The following ATE1 variants were observed in gnomAD, a reference collection of about 807,000 sequenced individuals.
ATE1 encodes arginyl-tRNA--protein transferase 1.
In ATE1, 36 loss-of-function variants were observed where a neutral mutation model predicts 70.5. The ratio of observed to expected loss-of-function variants is 0.51; its 90% confidence interval spans 0.39 to 0.67. The LOEUF (loss-of-function observed/expected upper bound fraction) is 0.67, where lower values mean the gene tolerates loss of function less well. Ranked by LOEUF, ATE1 falls within the 30% of genes least tolerant of loss-of-function variation. The probability of loss-of-function intolerance (pLI) is 0.00; values close to 1 mark genes in which losing one functional copy is unlikely to be tolerated. For synonymous variants in ATE1, 232 were observed against 219.3 expected (o/e 1.06, Z -0.51); for missense variants, 593 against 629.5 (o/e 0.94, Z 0.62).
At chr10:121,856,498 C>G (rs1474574549) in intron 8 of ATE1, among the ~76,000 whole-genome samples, 1 of 152,192 alleles carries the variant, frequency 6.6e-6, no homozygotes, top group Non-Finnish European at 1.5e-5. Flanking sequence ...CTACGGCACT[C>G]CAGCCTGGGT....
At chr10:121,811,626 C>G (rs61675937) in intron 10 of ATE1, among the ~76,000 whole-genome samples, 2 of 152,018 alleles carry the variant, frequency 1.3e-5, no homozygotes, top group Non-Finnish European at 2.9e-5. Flanking sequence ...TCCCCATGCT[C>G]GGAAAACAAG....
intron 10 of ATE1, among the ~76,000 whole-genome samples, chr10:121,834,652 C>T (rs1352449721): frequency 6.6e-6 from 1 of 151,836 alleles, no homozygotes; most frequent in Non-Finnish European, 1.5e-5. Flanking sequence ...GTCAGCAAAA[C>T]ATCTTCATGA....
intron 10 of ATE1, among the ~76,000 whole-genome samples, chr10:121,819,437 G>C (rs1441650786): frequency 6.6e-6 from 1 of 152,032 alleles, no homozygotes; most frequent in Non-Finnish European, 1.5e-5. Flanking sequence ...CTACACATTG[G>C]CTCACACCTG....
At chr10:121,892,714 C>A (rs994669704) in intron 7 of ATE1, among the ~76,000 whole-genome samples, 2 of 151,948 alleles carry the variant, frequency 1.3e-5, no homozygotes, top group Non-Finnish European at 2.9e-5. Context: ...AGGGTTTCAC[C>A]ATGTTGGCCA....
intron 8 of ATE1, among the ~76,000 whole-genome samples, chr10:121,862,120 C>T (rs1004131046): frequency 6.6e-6 from 1 of 152,162 alleles, no homozygotes; most frequent in African/African-American, 2.4e-5. Flanking sequence ...CCACTGCTCT[C>T]GAATTTGGGC....
At position 121,770,160 on chromosome 10, in the gene ATE1, T is replaced by C. The variant is rs914003978; in HGVS notation, c.1378+20009A>G. 4.6e-5 allele frequency among the ~76,000 whole-genome samples: 7 copies of C among 151,424 alleles called. No homozygotes were observed. In the East Asian group the frequency reaches 1.2e-3, roughly 25 times the overall value. ...CGAAGTATAACATATCTAACATCCA[T>C]GCCATGGAATACTACTTAGCAATAA... On this transcript the variant is annotated intron_variant, in intron 11 of 11. Transcript: ENST00000224652.
chr10:121,781,681 C>G (rs1161400051), intron 11 of ATE1, among the ~76,000 whole-genome samples: 2 of 152,206 alleles, frequency 1.3e-5, no homozygotes. Context: ...CTAAGACAGT[C>G]TCCTTAACAT....
intron 4 of ATE1, among the ~76,000 whole-genome samples, chr10:121,911,363 C>T (rs1564957184): frequency 6.6e-6 from 1 of 151,222 alleles, no homozygotes; most frequent in African/African-American, 2.4e-5. Flanking sequence ...TTTGGGAGGC[C>T]AACACAGGAG....
At chr10:121,926,927 T>C in intron 1 of ATE1, 1 of 985,436 alleles carries the variant, frequency 1.0e-6, no homozygotes, top group Non-Finnish European at 1.2e-6. Context: ...CAAGTAGCAC[T>C]TAATAAACAC....
At chr10:121,768,386 A>C (rs1945363589) in intron 11 of ATE1, among the ~76,000 whole-genome samples, 1 of 152,226 alleles carries the variant, frequency 6.6e-6, no homozygotes, top group South Asian at 2.1e-4. Flanking sequence ...TGTAAATCTA[A>C]AAGAATATGT....
At position 121,904,126 on chromosome 10, in the gene ATE1, G is replaced by C. The variant is rs1951093351; in HGVS notation, c.584-1506C>G. Among the ~76,000 whole-genome samples, 6 of 151,478 alleles carry C rather than the reference G, an allele frequency of 4.0e-5. No individual in the cohort carries two copies. The South Asian group carries it at 1.3e-3, about 32-fold the overall frequency. Reference sequence around the variant, plus strand: ...GCCTCCAGAGTAGCTGGGAATACAGGTGTGTGCCACCATGCCTGGCTAATT... The same window carrying C: ...GCCTCCAGAGTAGCTGGGAATACAGCTGTGTGCCACCATGCCTGGCTAATT... On this transcript the variant is annotated intron_variant, in intron 5 of 11. Coordinates refer to ENST00000224652, the MANE Select transcript of ATE1 (RefSeq NM_001001976.3).
chr10:121,916,137 G>A (rs1383428157), intron 3 of ATE1, among the ~76,000 whole-genome samples: 1 of 151,326 alleles, frequency 6.6e-6, no homozygotes, highest in Admixed American at 6.6e-5. Context: ...TGAGGCAGGA[G>A]AATGGCATGA....
At chr10:121,814,340 G>A (rs1947449314) in intron 10 of ATE1, among the ~76,000 whole-genome samples, 1 of 152,152 alleles carries the variant, frequency 6.6e-6, no homozygotes, top group Non-Finnish European at 1.5e-5. Flanking sequence ...GGATTTAAGA[G>A]AGCTATATGA....
intron 8 of ATE1, among the ~76,000 whole-genome samples, chr10:121,845,768 G>T (rs796293923): frequency 1.9e-4 from 29 of 152,176 alleles, no homozygotes; most frequent in African/African-American, 5.8e-4. Context: ...AGGGAAAAAA[G>T]GTAGAAAGAT....
chr10:121,928,447 C>T, upstream of ATE1: 2 of 1,515,058 alleles, frequency 1.3e-6, no homozygotes, highest in Non-Finnish European at 1.8e-6. Context: ...CCGCGAGGGT[C>T]CGCTCGGGCC....
In ATE1 at chr10:121,749,395, C is replaced by T. The variant is rs189599124; in HGVS notation, c.1379-5537G>A. Among the ~76,000 whole-genome samples, 960 of 152,190 alleles carry T rather than the reference C, an allele frequency of 6.3e-3. 1 individual carries two copies. Among genetic ancestry groups the T allele is most frequent in the Middle Eastern group, 0.024 (7 of 294 alleles). On this transcript the variant is annotated intron_variant, in intron 11 of 11. Transcript: ENST00000224652. ...TTAATACTAAGCCTATCTTTTCTCA[C>T]GTGAAAAACCCTTTAATTGTAACTC...
intron 7 of ATE1, among the ~76,000 whole-genome samples, chr10:121,896,994 C>T (rs1950807339): frequency 6.6e-6 from 1 of 152,070 alleles, no homozygotes; most frequent in Non-Finnish European, 1.5e-5. Context: ...GAACACCTTT[C>T]TCCCTTTTTG....
chr10:121,830,161 T>C (rs1424928906), intron 10 of ATE1, among the ~76,000 whole-genome samples: 2 of 152,224 alleles, frequency 1.3e-5, no homozygotes, highest in Non-Finnish European at 2.9e-5. Flanking sequence ...TATAACATGG[T>C]ATCTGCTATG....
chr10:121,830,434 GAC>G (rs894029759), intron 10 of ATE1, among the ~76,000 whole-genome samples: 2 of 152,102 alleles, frequency 1.3e-5, no homozygotes, highest in Admixed American at 1.3e-4. Context: ...ACCCCACTGT[GAC>G]ACAGCATAGG....
Sources: gnomAD v4.1 joint callset for allele counts (sites outside exome capture counted in the v4.1 genomes callset) on GRCh38, gnomAD v4.1.1 for gene constraint, MANE v1.5 for transcripts, NCBI Gene and HGNC (gene_info 2026-07-23, HGNC 2026-07-21) for gene names.